The following FBXW9 variants were observed in gnomAD, a reference collection of about 807,000 sequenced individuals.
FBXW9 encodes F-box/WD repeat-containing protein 9.
In FBXW9, 38 loss-of-function variants were observed where a neutral mutation model predicts 55.8. The ratio of observed to expected loss-of-function variants is 0.68; its 90% CI spans 0.53 to 0.89. FBXW9 has a LOEUF of 0.89. FBXW9 is among the 40% of genes least tolerant of loss of function. FBXW9 has a pLI of 0.00. For synonymous variants in FBXW9, 289 were observed against 278.2 expected, an observed-to-expected ratio of 1.04 and a Z score of -0.38; for missense variants, 590 against 619.4, an observed-to-expected ratio of 0.95 and a Z score of 0.50.
chr19:12,693,559 T>TAC (rs1452864814), intron 3 of FBXW9, among the ~76,000 whole-genome samples: 8 of 10,988 alleles, frequency 7.3e-4, no homozygotes, highest in South Asian at 2.9e-3. Flanking sequence ...TATATATATA[T>TAC]ATACACACAC....
rs1447001343 is a variant in FBXW9 at position 12,696,526 on chromosome 19, T to G, written c.56A>C (p.Asp19Ala). ...GTCTGGGTCTGTCTCTGACTCTGGGTCCGAGTCATCGTCCCAGGTGCGGGA... is the reference window on the plus strand; with the variant it reads ...GTCTGGGTCTGTCTCTGACTCTGGGGCCGAGTCATCGTCCCAGGTGCGGGA... ...DDSRTWDDDS[D>A]PESETDPDAQ... The change falls in exon 1 of 10, where the codon GAC (aspartate) becomes GCC (alanine). Residue 19 changes from aspartate (D) to alanine (A), a missense_variant. Coordinates refer to ENST00000393261, the MANE Select transcript of FBXW9 (RefSeq NM_032301.3). The G allele has an allele frequency of 9.3e-6, 15 of 1,612,466 alleles. No individual in the cohort carries two copies. The Admixed American group carries it at 1.5e-4, about 16-fold the overall frequency.
intron 3 of FBXW9, among the ~76,000 whole-genome samples, chr19:12,691,839 TCTGCCTCCCGTGTTCAAGTGATTCTC>T (rs1212541468): frequency 3.3e-5 from 5 of 152,038 alleles, no homozygotes; most frequent in Non-Finnish European, 7.4e-5. Flanking sequence ...CACTGCAACC[TCTGCCTCCCGTGTTCAAGTGATTCTC>T]CTGCCTCAGC....
In FBXW9 at chr19:12,696,505, G is replaced by A. The variant is rs1384615414; in HGVS notation, c.77C>T (p.Pro26Leu). Residue 26 changes from proline to leucine, a missense_variant, in exon 1 of 10, where the codon CCA becomes CTA. By Grantham distance (98) the Pro-to-Leu change is moderately conservative. Transcript: ENST00000393261. Reference sequence around the variant, plus strand: ...CACGTAGGCCTTGGCCTGCGCGTCTGGGTCTGTCTCTGACTCTGGGTCCGA... The same window carrying A: ...CACGTAGGCCTTGGCCTGCGCGTCTAGGTCTGTCTCTGACTCTGGGTCCGA... ...DDSDPESETD[P>L]DAQAKAYVAR... 1.2e-6 allele frequency: 2 copies of A among 1,612,844 alleles called. No individual in the cohort carries two copies. The highest frequency in any genetic ancestry group is 2.2e-5 in the East Asian group (1 of 44,866).
chr19:12,696,179 C>T lies in FBXW9; in HGVS notation c.403G>A (p.Val135Met). The T allele has an allele frequency of 2.0e-6, 3 of 1,538,392 alleles. No homozygotes were observed. Among genetic ancestry groups the T allele is most frequent in the Non-Finnish European group, 2.6e-6 (3 of 1,145,760 alleles). The change falls in exon 1 of 10, where the codon GTG becomes ATG. Residue 135 changes from valine (V) to methionine (M), a missense_variant. Coordinates refer to ENST00000393261, the MANE Select transcript of FBXW9 (RefSeq NM_032301.3). ...GGCCCCCGGCCCCGCGCACCTTCCA[C>T]CACTGGGTAGGGCGCGCGTACGCGG... The part of the protein sequence containing the change: ...LRRVRAPYPV[V>M]EEKNFDWPAA...
chr19:12,689,300 G>C lies in FBXW9; in HGVS notation c.1303-10C>G. 6.2e-7 allele frequency: 1 copy of C among 1,614,240 alleles called. No homozygotes were observed. The highest frequency in any genetic ancestry group is 8.5e-7 in the Non-Finnish European group (1 of 1,180,028). On this transcript the variant is annotated splice_polypyrimidine_tract_variant and intron_variant, in intron 9 of 9. Coordinates refer to ENST00000393261, the MANE Select transcript of FBXW9 (RefSeq NM_032301.3). This position sits in a 1 kb window ranked among gnomAD's most constrained non-coding sequence, Gnocchi z 5.9. ...TGCCCTCAGCACAGACCTGGGAAGG[G>C]GGAGGAACATGAGGAGTCAGGGACG...
Position 12,689,076 on chromosome 19 carries a change from C to A in FBXW9, c.*140G>T. 1.3e-6 allele frequency: 1 copy of A among 777,500 alleles called. No individual in the cohort carries two copies. Among genetic ancestry groups the A allele is most frequent in the Non-Finnish European group, 2.2e-6 (1 of 446,830 alleles). The allele number at this position is 777,500 out of a possible 1,614,324, so 48.2% of individuals were successfully genotyped here. A position where few individuals can be genotyped will look rare whatever the true frequency, so the allele number is the denominator to read the frequency against. The stretch of plus-strand genomic sequence containing the variant: ...CCCGGGCATAGGGCCCAGGCCAGGA[C>A]GCTCACCCGAATGTGGCTGGGACTC... On this transcript the variant is annotated 3_prime_UTR_variant, in exon 10 of 10. Transcript: ENST00000393261. The surrounding 1 kb of genome is among the most constrained non-coding windows in gnomAD (Gnocchi z 5.9).
At position 12,689,351 on chromosome 19, in the gene FBXW9, G is replaced by T; in HGVS notation, c.1302+21C>A. On this transcript the variant is annotated intron_variant, in intron 9 of 9. Transcript: ENST00000393261. The surrounding 1 kb of genome is among the most constrained non-coding windows in gnomAD (Gnocchi z 5.9). ...ATGGCGCTCTGGCCAGCTGGGCAGG[G>T]CACATGGGGCAGGACCTTACCCTAT... 6.2e-7 allele frequency: 1 copy of T among 1,614,156 alleles called. No homozygotes were observed. Among genetic ancestry groups the T allele is most frequent in the East Asian group, 2.2e-5 (1 of 44,886 alleles).
In FBXW9 at chr19:12,694,866, C is replaced by T. The variant is rs375478011; in HGVS notation, c.482G>A (p.Arg161His). The stretch of plus-strand genomic sequence containing the variant: ...GGCCAGGCAGAAGTATTCGACCCAG[C>T]GCCCATCCTCTGCCCAGCGGGACAG... Reference protein sequence around the residue: ...QHLSRWAEDGRWVEYFCLAEG... With the variant: ...QHLSRWAEDGHWVEYFCLAEG... Residue 161 changes from arginine (R) to histidine (H), a missense_variant, in exon 2 of 10, where the codon CGC becomes CAC. Physicochemically the swap from Arg to His is conservative, Grantham distance 29 (BLOSUM62 0). Coordinates refer to ENST00000393261, the MANE Select transcript of FBXW9 (RefSeq NM_032301.3). 1.5e-5 allele frequency: 25 copies of T among 1,613,990 alleles called. No individual in the cohort carries two copies. The highest frequency in any genetic ancestry group is 2.7e-5 in the African/African-American group (2 of 74,952).
Position 12,696,127 on chromosome 19 carries a change from G to A in FBXW9, c.409+46C>T, listed in dbSNP as rs767091197. ...TCTTCCCCGCCCCAAGCCTGACCTG[G>A]GCGGGCGCCCCCGGCCCCCGGTCCC... On this transcript the variant is annotated intron_variant, in intron 1 of 9. Transcript: ENST00000393261. 1.1e-5 allele frequency: 17 copies of A among 1,488,456 alleles called. No individual in the cohort carries two copies. In the South Asian group the frequency reaches 1.9e-4, roughly 17 times the overall value. 92.2% of individuals were successfully genotyped at this position (1,488,456 alleles called of 1,614,324 possible). A position where few individuals can be genotyped will look rare whatever the true frequency, so the allele number is the denominator to read the frequency against.
chr19:12,691,026 T>C (rs1189384196), intron 5 of FBXW9, 140 bp downstream of exon 5: 19 of 795,682 alleles, frequency 2.4e-5, no homozygotes, highest in Admixed American at 3.9e-5. Context: ...AAGTTGCCTG[T>C]ATTGTACCAG....
chr19:12,691,120 C>G (rs749923564), intron 5 of FBXW9, 46 bp downstream of exon 5: 2 of 1,524,344 alleles, frequency 1.3e-6, no homozygotes, highest in Non-Finnish European at 1.8e-6. Context: ...TGTCTCCTTC[C>G]CTAACATGAC....
chr19:12,693,559 TATACACACACACACAC>T (rs1264547903), intron 3 of FBXW9, among the ~76,000 whole-genome samples: 3 of 10,988 alleles, frequency 2.7e-4, no homozygotes, highest in Non-Finnish European at 4.9e-4. Flanking sequence ...TATATATATA[TATACACACACACACAC>T]ACACACACAC....
In FBXW9 at chr19:12,689,051, C is replaced by T. The variant is rs2024962733; in HGVS notation, c.*165G>A. The T allele has an allele frequency of 1.4e-6, 1 of 723,422 alleles. No individual in the cohort carries two copies. The highest frequency in any genetic ancestry group is 2.0e-5 in the Admixed American group (1 of 50,160). The allele number at this position is 723,422 out of a possible 1,614,324, so 44.8% of individuals were successfully genotyped here. A position where few individuals can be genotyped will look rare whatever the true frequency, so the allele number is the denominator to read the frequency against. On this transcript the variant is annotated 3_prime_UTR_variant, in exon 10 of 10. Transcript: ENST00000393261. The surrounding 1 kb of genome is among the most constrained non-coding windows in gnomAD (Gnocchi z 5.9). ...GCCTGAACCCCAATTTCACCCTTCC[C>T]CCGGGCATAGGGCCCAGGCCAGGAC...
intron 5 of FBXW9, 49 bp from the exon 6 acceptor site, chr19:12,690,159 G>GC (rs763524869): frequency 2.0e-4 from 326 of 1,606,038 alleles, no homozygotes; most frequent in Admixed American, 4.5e-4. Context: ...CCCCTCGAAG[G>GC]CCCCCCCCAG....
At chr19:12,692,226 ATTTT>A (rs145110867) in intron 3 of FBXW9, among the ~76,000 whole-genome samples, 1 of 135,342 alleles carries the variant, frequency 7.4e-6, no homozygotes. Flanking sequence ...CACTCTGCTA[ATTTT>A]TTTTTTTTTT....
At chr19:12,693,731 A>C (rs1369851808) in intron 3 of FBXW9, among the ~76,000 whole-genome samples, 1 of 144,302 alleles carries the variant, frequency 6.9e-6, no homozygotes, top group Non-Finnish European at 1.5e-5. Context: ...GATTCCATTA[A>C]AAAAAAAAAA....
chr19:12,694,316 T>G (rs1599396769), intron 3 of FBXW9, among the ~76,000 whole-genome samples: 1 of 130,696 alleles, frequency 7.7e-6, no homozygotes. Flanking sequence ...CCAGCCTGGG[T>G]GACAGAACGA....
At chr19:12,690,692 G>A (rs1447888536) in intron 5 of FBXW9, among the ~76,000 whole-genome samples, 1 of 152,144 alleles carries the variant, frequency 6.6e-6, no homozygotes, top group Non-Finnish European at 1.5e-5. Context: ...GCTGAGGTGG[G>A]TGGATCACCT....
Position 12,695,912 on chromosome 19 carries a change from A to T in FBXW9, c.409+261T>A, listed in dbSNP as rs77438035. ...CAAGACTGAGGATATTTGGATCCTG[A>T]GTCGTCCAGGAACCACAGCCCCATG... On this transcript the variant is annotated intron_variant, in intron 1 of 9. Transcript: ENST00000393261. Among the ~76,000 whole-genome samples, 931 of 152,290 alleles carry T rather than the reference A, an allele frequency of 6.1e-3. 7 individuals are homozygous for T. Among genetic ancestry groups the T allele is most frequent in the African/African-American group, 0.021 (877 of 41,556 alleles).
Sources: gnomAD v4.1 joint callset for allele counts (sites outside exome capture counted in the v4.1 genomes callset) on GRCh38, gnomAD v4.1.1 for gene constraint, Gnocchi (gnomAD v3.1) non-coding constraint, MANE v1.5 for transcripts, NCBI Gene and HGNC (gene_info 2026-07-23, HGNC 2026-07-21) for gene names.